The following EVI5L variants were observed in gnomAD, a reference collection of about 807,000 sequenced individuals.
EVI5L encodes EVI5-like protein.
Under a neutral mutation model 106.1 loss-of-function variants are expected in EVI5L, and 30 were observed. The observed-to-expected ratio is 0.28, with a 90% confidence interval of 0.21 to 0.38. The LOEUF (loss-of-function observed/expected upper bound fraction) is 0.38. Among genes scored for constraint, EVI5L ranks in the 10% least tolerant of loss-of-function variants. The pLI is 1.00. For synonymous variants in EVI5L, 489 were observed against 483.3 expected (o/e 1.01, Z -0.15); for missense variants, 809 against 1,098.0 (o/e 0.74, Z 3.72).
rs10410459 is a variant in EVI5L, at chr19:7,863,576, C to T, written c.2292C>T (p.Tyr764=). 31 of 1,594,292 alleles carry T rather than the reference C, an allele frequency of 1.9e-5. No homozygotes were observed. The East Asian group carries it at 3.9e-4, about 20-fold the overall frequency. Residue 764 remains tyrosine (Y), a synonymous_variant, in exon 20 of 20, where the codon TAC becomes TAT. Transcript: ENST00000538904. This position sits in a 1 kb window ranked among gnomAD's most constrained non-coding sequence, Gnocchi z 7.7. Reference sequence around the variant, plus strand: ...GCGCTGCCCTGCAGGACGCATTGTACCCTCTGTCCCCGCGCGATGCGCGCT... The same window carrying T: ...GCGCTGCCCTGCAGGACGCATTGTATCCTCTGTCCCCGCGCGATGCGCGCT... ...GVGAALQDAL[Y]PLSPRDARFF...
chr19:7,841,249 G>A (rs1978588392), intron 1 of EVI5L, among the ~76,000 whole-genome samples: 1 of 152,014 alleles, frequency 6.6e-6, no homozygotes, highest in Non-Finnish European at 1.5e-5. Context: ...ACGAAAAGCT[G>A]GTGACATACA....
Position 7,864,007 on chromosome 19 carries a change from CA to C in EVI5L, c.*306del, listed in dbSNP as rs1979998488. 8.1e-6 allele frequency: 3 copies of C among 370,348 alleles called. No individual in the cohort carries two copies. Among genetic ancestry groups the C allele is most frequent in the African/African-American group, 6.3e-5 (3 of 47,332 alleles). The allele number at this position is 370,348 out of a possible 1,614,324, so 22.9% of individuals were successfully genotyped here. A position where few individuals can be genotyped will look rare whatever the true frequency, so the allele number is the denominator to read the frequency against. On this transcript the variant is annotated 3_prime_UTR_variant, in exon 20 of 20. Coordinates refer to ENST00000538904, the MANE Select transcript of EVI5L (RefSeq NM_001159944.3). This position sits in a 1 kb window ranked among gnomAD's most constrained non-coding sequence, Gnocchi z 4.5. ...GCTCTCTTAACAGGAGGGCAGAGGG[CA>C]GGGGACAGACGACCCAGAGGTCCCA...
intron 17 of EVI5L, among the ~76,000 whole-genome samples, 161 bp from the exon 18 acceptor site, chr19:7,862,811 C>T (rs2146441516): frequency 7.6e-6 from 1 of 132,238 alleles, no homozygotes; most frequent in African/African-American, 2.8e-5. Context: ...CCCCCGCCCG[C>T]ACCTCCCTTG....
Position 7,845,914 on chromosome 19 carries a change from C to T in EVI5L, c.-47-582C>T, listed in dbSNP as rs997408077. Among the ~76,000 whole-genome samples, 1 of 152,214 alleles carries T rather than the reference C, an allele frequency of 6.6e-6. No homozygotes were observed. Among genetic ancestry groups the T allele is most frequent in the Admixed American group, 6.5e-5 (1 of 15,278 alleles). On this transcript the variant is annotated intron_variant, in intron 1 of 19. Transcript: ENST00000538904. This position sits in a 1 kb window ranked among gnomAD's most constrained non-coding sequence, Gnocchi z 4.0. ...TCTGCCACGTCCCTGGCTTCTCAACCCAAGGGGAGTCGACTCTTCTGGCCA... is the reference window on the plus strand; with the variant it reads ...TCTGCCACGTCCCTGGCTTCTCAACTCAAGGGGAGTCGACTCTTCTGGCCA...
At chr19:7,847,605 A>AG in intron 2 of EVI5L, 127 bp from the exon 3 acceptor site, 1 of 933,302 alleles carries the variant, frequency 1.1e-6, no homozygotes, top group Non-Finnish European at 1.6e-6. Flanking sequence ...GAAAAAAAAA[A>AG]GAACAAGAGG....
chr19:7,849,264 G>T lies in EVI5L; in HGVS notation c.561G>T (p.Ser187=). 2 of 1,614,178 alleles carry T rather than the reference G, an allele frequency of 1.2e-6. No homozygotes were observed. The highest frequency in any genetic ancestry group is 1.7e-6 in the Non-Finnish European group (2 of 1,180,042). ...EVLFNVMKAY[S]LVDREVGYCQ... The stretch of plus-strand genomic sequence containing the variant: ...GACTTGTTCCCTTCTAGGCATACTC[G>T]CTGGTAGACCGGGAGGTGGGCTACT... The change falls in exon 5 of 20, where the codon TCG becomes TCT. Residue 187 remains serine, a synonymous_variant. Coordinates refer to ENST00000538904, the MANE Select transcript of EVI5L (RefSeq NM_001159944.3).
chr19:7,863,884 C>A lies in EVI5L; in HGVS notation c.*182C>A. The A allele has an allele frequency of 1.3e-6, 1 of 796,384 alleles. No homozygotes were observed. The highest frequency in any genetic ancestry group is 3.2e-5 in the East Asian group (1 of 31,738). 49.3% of individuals were successfully genotyped at this position (796,384 alleles called of 1,614,324 possible). Reference sequence around the variant, plus strand: ...AGGGTCCGACCTGGGCTCCTCAGGGCCCCGGGGCAGGCTCTCTATCCCCAG... The same window carrying A: ...AGGGTCCGACCTGGGCTCCTCAGGGACCCGGGGCAGGCTCTCTATCCCCAG... On this transcript the variant is annotated 3_prime_UTR_variant, in exon 20 of 20. Transcript: ENST00000538904. The surrounding 1 kb of genome is among the most constrained non-coding windows in gnomAD (Gnocchi z 7.7).
At chr19:7,833,701 G>A (rs1281202353) in intron 1 of EVI5L, among the ~76,000 whole-genome samples, 1 of 152,176 alleles carries the variant, frequency 6.6e-6, no homozygotes. Context: ...TTTGATAGGC[G>A]TCTTACTACA....
At position 7,861,874 on chromosome 19, in the gene EVI5L, G is replaced by T; in HGVS notation, c.1504-4G>T. ...CCCAGGCCCTGACCCCACTCTTCCC[G>T]CAGAGGAACAGCTCGCTGCCCGACG... On this transcript the variant is annotated splice_polypyrimidine_tract_variant and splice_region_variant and intron_variant, in intron 14 of 19. Transcript: ENST00000538904. The T allele has an allele frequency of 1.3e-6, 2 of 1,550,700 alleles. No homozygotes were observed. The highest frequency in any genetic ancestry group is 1.7e-4 in the Middle Eastern group (1 of 5,972).
rs1447007877 is a variant in EVI5L, at chr19:7,863,705, C to G, written c.*3C>G. 2 of 1,465,940 alleles carry G rather than the reference C, an allele frequency of 1.4e-6. No individual in the cohort carries two copies. Among genetic ancestry groups the G allele is most frequent in the South Asian group, 2.7e-5 (2 of 74,622 alleles). The allele number at this position is 1,465,940 out of a possible 1,614,324, so 90.8% of individuals were successfully genotyped here. A position where few individuals can be genotyped will look rare whatever the true frequency, so the allele number is the denominator to read the frequency against. Reference sequence around the variant, plus strand: ...ACAGCCAGGGTCTGGACAACTGAGGCCATGCCCAGCGCGCCCGGAGTCAGG... The same window carrying G: ...ACAGCCAGGGTCTGGACAACTGAGGGCATGCCCAGCGCGCCCGGAGTCAGG... On this transcript the variant is annotated 3_prime_UTR_variant, in exon 20 of 20. Transcript: ENST00000538904. The surrounding 1 kb of genome is among the most constrained non-coding windows in gnomAD (Gnocchi z 7.7).
intron 5 of EVI5L, 90 bp from the exon 6 acceptor site, chr19:7,849,907 G>C: frequency 9.6e-7 from 1 of 1,044,702 alleles, no homozygotes; most frequent in Non-Finnish European, 1.4e-6. Flanking sequence ...ACATGGACAT[G>C]GGCCCCTGTA....
At position 7,863,412 on chromosome 19, in the gene EVI5L, C is replaced by T. The variant is rs1263869633; in HGVS notation, c.2140-12C>T. 13 of 1,532,520 alleles carry T rather than the reference C, an allele frequency of 8.5e-6. No homozygotes were observed. The highest frequency in any genetic ancestry group is 2.5e-5 in the East Asian group (1 of 40,496). 94.9% of individuals were successfully genotyped at this position (1,532,520 alleles called of 1,614,324 possible). A position where few individuals can be genotyped will look rare whatever the true frequency, so the allele number is the denominator to read the frequency against. ...GCCGGTCCACGCCTGCAGCGCCGGT[C>T]CCCCGCCCCAGGTGCGGCTGCTGAA... On this transcript the variant is annotated splice_polypyrimidine_tract_variant and intron_variant, in intron 19 of 19. Coordinates refer to ENST00000538904, the MANE Select transcript of EVI5L (RefSeq NM_001159944.3). This position sits in a 1 kb window ranked among gnomAD's most constrained non-coding sequence, Gnocchi z 7.7.
rs765151678 is a variant in EVI5L, at chr19:7,862,367, C to T, written c.1801-21C>T. Reference sequence around the variant, plus strand: ...GCCCTGACCGCCGCCGTCCTCCGTCCTCCCTTCCTCCCTATCCCAGGACCA... The same window carrying T: ...GCCCTGACCGCCGCCGTCCTCCGTCTTCCCTTCCTCCCTATCCCAGGACCA... On this transcript the variant is annotated intron_variant, in intron 16 of 19. Transcript: ENST00000538904. 6.9e-6 allele frequency: 11 copies of T among 1,587,346 alleles called. No homozygotes were observed. The South Asian group carries it at 1.3e-4, about 18-fold the overall frequency.
chr19:7,831,963 A>G (rs1020432048), intron 1 of EVI5L, among the ~76,000 whole-genome samples: 1 of 152,280 alleles, frequency 6.6e-6, no homozygotes, highest in African/African-American at 2.4e-5. Flanking sequence ...TTGTTAAGGA[A>G]TATTTTCAGA....
intron 1 of EVI5L, 110 bp downstream of exon 1, chr19:7,830,491 C>G (rs1381279838): frequency 6.6e-6 from 1 of 151,600 alleles, no homozygotes; most frequent in Non-Finnish European, 1.5e-5. Flanking sequence ...TGCCCCGGAA[C>G]CCGCGCTGGG....
At position 7,849,264 on chromosome 19, in the gene EVI5L, G is replaced by A. The variant is rs951529964; in HGVS notation, c.561G>A (p.Ser187=). The A allele has an allele frequency of 5.0e-6, 8 of 1,614,060 alleles. No individual in the cohort carries two copies. The highest frequency in any genetic ancestry group is 1.1e-5 in the South Asian group (1 of 91,088). The stretch of plus-strand genomic sequence containing the variant: ...GACTTGTTCCCTTCTAGGCATACTC[G>A]CTGGTAGACCGGGAGGTGGGCTACT... ...EVLFNVMKAY[S]LVDREVGYCQ... Residue 187 remains serine (S), a synonymous_variant, in exon 5 of 20, where the codon TCG becomes TCA. Transcript: ENST00000538904.
At chr19:7,851,655 T>G in intron 7 of EVI5L, 26 bp from the exon 8 acceptor site, 1 of 1,586,250 alleles carries the variant, frequency 6.3e-7, no homozygotes, top group Non-Finnish European at 8.6e-7. Flanking sequence ...GCCCTCCACC[T>G]CCCACTGCCT....
rs1233995072 is a variant in EVI5L, at chr19:7,850,198, C to T, written c.753+76C>T. The T allele has an allele frequency of 7.2e-6, 11 of 1,528,722 alleles. No individual in the cohort carries two copies. The highest frequency in any genetic ancestry group is 2.7e-5 in the African/African-American group (2 of 73,592). The allele number at this position is 1,528,722 out of a possible 1,614,324, so 94.7% of individuals were successfully genotyped here. On this transcript the variant is annotated intron_variant, in intron 6 of 19. Coordinates refer to ENST00000538904, the MANE Select transcript of EVI5L (RefSeq NM_001159944.3). This position sits in a 1 kb window ranked among gnomAD's most constrained non-coding sequence, Gnocchi z 5.4. ...GGGCAGGGCCGCAAGGGAGCAGGAT[C>T]GCAGAAGGGCAGGGCTGGCACCCTA...
At chr19:7,840,338 C>T (rs965920019) in intron 1 of EVI5L, among the ~76,000 whole-genome samples, 12 of 152,280 alleles carry the variant, frequency 7.9e-5, no homozygotes, top group African/African-American at 2.6e-4. Context: ...ATTAGCCAGG[C>T]ATGGCGGCAC....
Sources: allele counts gnomAD v4.1 joint callset (sites outside exome capture counted in the v4.1 genomes callset), GRCh38; gene constraint gnomAD v4.1.1; non-coding constraint Gnocchi (gnomAD v3.1); transcripts MANE v1.5; gene names NCBI Gene and HGNC (gene_info 2026-07-23, HGNC 2026-07-21).